Variants in RGSL1 observed in about 807,000 individuals in gnomAD.
The protein encoded by RGSL1 is regulator of G protein signaling protein-like.
A neutral mutation model predicts 124.7 loss-of-function variants in RGSL1; 97 were observed. That is an observed-to-expected ratio of 0.78 (90% CI 0.66 to 0.92). The LOEUF (loss-of-function observed/expected upper bound fraction) is 0.92, where lower values mean the gene tolerates loss of function less well. RGSL1 is among the 40% of genes least tolerant of loss of function. RGSL1 has a pLI of 0.00. For synonymous variants in RGSL1, 424 were observed against 438.1 expected (o/e 0.97, Z 0.40); for missense variants, 1,233 against 1,288.4 (o/e 0.96, Z 0.66).
At chr1:182,510,864 C>T (rs1657400231) in intron 9 of RGSL1, among the ~76,000 whole-genome samples, 1 of 152,230 alleles carries the variant, frequency 6.6e-6, no homozygotes, top group East Asian at 1.9e-4. Context: ...CAAATATTTT[C>T]TCCCAGTCTA....
intron 1 of RGSL1, 43 bp from the exon 2 acceptor site, chr1:182,453,915 T>G (rs1035876185): frequency 4.6e-6 from 5 of 1,086,040 alleles, no homozygotes; most frequent in Admixed American, 2.1e-5. Flanking sequence ...TGAATGCAAT[T>G]CTGGTTCATG....
chr1:182,556,201 T>A lies in RGSL1; in HGVS notation c.*144T>A, dbSNP rs1359650366. The A allele has an allele frequency of 1.3e-6, 1 of 753,190 alleles. No homozygotes were observed. The allele number at this position is 753,190 out of a possible 1,614,324, so 46.7% of individuals were successfully genotyped here. ...GGGCAATGGGTTGACAGCCCAGATA[T>A]GGCAGGACCAGACTGCAATGGGTAA... is the stretch of plus-strand genomic sequence containing the variant. On this transcript the variant is annotated 3_prime_UTR_variant, in exon 21 of 22. Coordinates refer to ENST00000294854, the MANE Select transcript of RGSL1 (RefSeq NM_001137669.2).
At chr1:182,492,567 A>G (rs1655606441) in intron 8 of RGSL1, among the ~76,000 whole-genome samples, 1 of 151,858 alleles carries the variant, frequency 6.6e-6, no homozygotes, top group Non-Finnish European at 1.5e-5. Flanking sequence ...AATTTAGCTT[A>G]GGGAACTTGT....
At chr1:182,530,397 G>T in intron 12 of RGSL1, 36 bp downstream of exon 12, 1 of 1,498,504 alleles carries the variant, frequency 6.7e-7, no homozygotes, top group Non-Finnish European at 9.1e-7. Context: ...ATTCTTCCTG[G>T]AGTTGCTCCT....
At chr1:182,490,851 C>A (rs1037821333) in intron 8 of RGSL1, among the ~76,000 whole-genome samples, 1 of 151,820 alleles carries the variant, frequency 6.6e-6, no homozygotes, top group African/African-American at 2.4e-5. Context: ...AGCCTTGAAT[C>A]TCAGGTAGGT....
chr1:182,490,036 G>T (rs1288891358), intron 8 of RGSL1, among the ~76,000 whole-genome samples: 1 of 152,006 alleles, frequency 6.6e-6, no homozygotes, highest in Admixed American at 6.6e-5. Context: ...GTGTATATGT[G>T]TGCACATATA....
chr1:182,507,156 A>G (rs1466223798), intron 9 of RGSL1: 1 of 151,806 alleles, frequency 6.6e-6, no homozygotes, highest in Non-Finnish European at 1.5e-5. Context: ...TGCCTGGCTA[A>G]TTTTGTATTT....
At chr1:182,467,206 GATTC>G (rs1377261143) in intron 4 of RGSL1, among the ~76,000 whole-genome samples, 3 of 152,166 alleles carry the variant, frequency 2.0e-5, no homozygotes, top group Admixed American at 6.5e-5. Flanking sequence ...GTAATTTATA[GATTC>G]AATGCCATCC....
At position 182,522,058 on chromosome 1, in the gene RGSL1, A is replaced by G. The variant is rs1185938000; in HGVS notation, c.1880A>G (p.Lys627Arg). ...AAGACAGTTTCACGCTCAAATAGGA[A>G]AATGTCCTTGCTCAAAAGAACTCTT... ...ETKTVSRSNR[K>R]MSLLKRTLVR... The change falls in exon 10 of 22, where the codon AAA becomes AGA. Residue 627 changes from lysine (K) to arginine (R), a missense_variant. By Grantham distance (26) the Lys-to-Arg change is conservative. Transcript: ENST00000294854. The G allele has an allele frequency of 1.3e-6, 2 of 1,549,540 alleles. No individual in the cohort carries two copies. Among genetic ancestry groups the G allele is most frequent in the South Asian group, 2.4e-5 (2 of 83,396 alleles).
intron 15 of RGSL1, among the ~76,000 whole-genome samples, chr1:182,545,563 C>T (rs1309002356): frequency 6.6e-6 from 1 of 152,178 alleles, no homozygotes; most frequent in African/African-American, 2.4e-5. Context: ...ATAAAGAACT[C>T]TCTTTAGCAT....
Position 182,471,549 on chromosome 1 carries a change from T to C in RGSL1, c.302-847T>C, listed in dbSNP as rs1014201292. ...GAAAACTGAGGTCCATAGTGTAGGTTAAGGGAAAGGTAGTCAGAGTCCCTT... is the reference window on the plus strand; with the variant it reads ...GAAAACTGAGGTCCATAGTGTAGGTCAAGGGAAAGGTAGTCAGAGTCCCTT... On this transcript the variant is annotated intron_variant, in intron 4 of 21. Transcript: ENST00000294854. Among the ~76,000 whole-genome samples, 8 of 152,250 alleles carry C rather than the reference T, an allele frequency of 5.3e-5. 1 individual carries two copies. Among genetic ancestry groups the C allele is most frequent in the East Asian group, 1.9e-4 (1 of 5,184 alleles).
intron 2 of RGSL1, among the ~76,000 whole-genome samples, chr1:182,456,720 T>A (rs1025229832): frequency 6.6e-6 from 1 of 152,166 alleles, no homozygotes; most frequent in Admixed American, 6.5e-5. Flanking sequence ...TATAAGAAAG[T>A]CCTAGCCACT....
Position 182,454,019 on chromosome 1 carries a change from C to A in RGSL1, c.75C>A (p.Phe25Leu). The change falls in exon 2 of 22, where the codon TTC (phenylalanine) becomes TTA (leucine). Residue 25 changes from phenylalanine (F) to leucine (L), a missense_variant. By Grantham distance (22) the Phe-to-Leu change is conservative. Transcript: ENST00000294854. ...LLEDEVFADF[F>L]NTFLSLPVFG... is the part of the protein sequence containing the mutation. ...AGGATGAAGTCTTTGCCGATTTTTTCAACACATTTCTTTCCCTCCCGGTAA... is the reference window on the plus strand; with the variant it reads ...AGGATGAAGTCTTTGCCGATTTTTTAAACACATTTCTTTCCCTCCCGGTAA... 6.5e-7 allele frequency: 1 copy of A among 1,530,982 alleles called. No homozygotes were observed. The allele number at this position is 1,530,982 out of a possible 1,614,324, so 94.8% of individuals were successfully genotyped here.
rs553655189 is a variant in RGSL1 at position 182,546,495 on chromosome 1, G to A, written c.2670-1822G>A. On this transcript the variant is annotated intron_variant, in intron 15 of 21. Transcript: ENST00000294854. ...TTAAACCTCCACCTCCTGGGTTCAA[G>A]CGATTCTCTTGCCTCAGCCTCCCAA... Among the ~76,000 whole-genome samples, 5 of 152,258 alleles carry A rather than the reference G, an allele frequency of 3.3e-5. No homozygotes were observed. The East Asian group carries it at 9.7e-4, about 29-fold the overall frequency.
chr1:182,544,091 G>A (rs1660059014), intron 15 of RGSL1, among the ~76,000 whole-genome samples: 1 of 151,796 alleles, frequency 6.6e-6, no homozygotes, highest in Non-Finnish European at 1.5e-5. Flanking sequence ...GCAACATTAG[G>A]TTGTTTATTT....
intron 6 of RGSL1, among the ~76,000 whole-genome samples, chr1:182,476,329 T>C (rs1296881110): frequency 6.6e-6 from 1 of 152,214 alleles, no homozygotes; most frequent in African/African-American, 2.4e-5. Flanking sequence ...AAGATATTTG[T>C]ACGTGGAGAA....
intron 9 of RGSL1, among the ~76,000 whole-genome samples, chr1:182,517,738 C>G (rs1658007963): frequency 6.6e-6 from 1 of 152,072 alleles, no homozygotes; most frequent in Non-Finnish European, 1.5e-5. Flanking sequence ...TTTATTATTT[C>G]AACTTGTTTG....
rs1328041863 is a variant in RGSL1, at chr1:182,472,523, C to T, written c.429C>T (p.Gly143=). Residue 143 remains glycine, a synonymous_variant, in exon 5 of 22, where the codon GGC becomes GGT. Transcript: ENST00000294854. ...LMLRATHLQE[G]SRVVTLCNMN... Reference sequence around the variant, plus strand: ...TGAGGGCCACTCATCTGCAGGAGGGCTCCAGGGTGGTAACCCTCTGTAACA... The same window carrying T: ...TGAGGGCCACTCATCTGCAGGAGGGTTCCAGGGTGGTAACCCTCTGTAACA... The T allele has an allele frequency of 1.9e-6, 3 of 1,547,810 alleles. No individual in the cohort carries two copies. The highest frequency in any genetic ancestry group is 2.6e-6 in the Non-Finnish European group (3 of 1,144,664).
chr1:182,543,947 AAACT>A (rs1242943511), intron 15 of RGSL1, among the ~76,000 whole-genome samples: 2 of 151,926 alleles, frequency 1.3e-5, no homozygotes, highest in Non-Finnish European at 2.9e-5. Flanking sequence ...TATTTTTAGA[AAACT>A]AACTTTTTGT....
Sources: gnomAD v4.1 joint callset for allele counts (sites outside exome capture counted in the v4.1 genomes callset) on GRCh38, gnomAD v4.1.1 for gene constraint, MANE v1.5 for transcripts, NCBI Gene and HGNC (gene_info 2026-07-23, HGNC 2026-07-21) for gene names.